SCP2: variants seen among roughly 807,000 people sequenced by gnomAD.
The protein encoded by SCP2 is sterol carrier protein 2.
A neutral mutation model predicts 71.4 loss-of-function variants in SCP2; 48 were observed. That is an observed-to-expected ratio of 0.67 (90% CI 0.53 to 0.86). The LOEUF (loss-of-function observed/expected upper bound fraction) is 0.86, where lower values mean the gene tolerates loss of function less well. SCP2 is among the 40% of genes least tolerant of loss of function. SCP2 has a pLI of 0.00. For missense variants in SCP2, 560 were observed against 655.6 expected, an observed-to-expected ratio of 0.85 and a Z score of 1.59; for synonymous variants, 220 against 218.1, an observed-to-expected ratio of 1.01 and a Z score of -0.08.
chr1:53,007,420 A>G (rs1185370818), intron 11 of SCP2, among the ~76,000 whole-genome samples: 8 of 152,224 alleles, frequency 5.3e-5, no homozygotes, highest in Non-Finnish European at 1.2e-4. Context: ...AAATTATAAC[A>G]AACTGTCTCT....
chr1:53,050,763 C>A lies in SCP2; in HGVS notation c.*59C>A. On this transcript the variant is annotated 3_prime_UTR_variant, in exon 16 of 16. Transcript: ENST00000371514. ...TGAGATATATAGATATATATCCATACATTTTATTGTCAGAATTTAGACTGA... is the reference window on the plus strand; with the variant it reads ...TGAGATATATAGATATATATCCATAAATTTTATTGTCAGAATTTAGACTGA... 8.7e-7 allele frequency: 1 copy of A among 1,146,234 alleles called. No homozygotes were observed. Among genetic ancestry groups the A allele is most frequent in the South Asian group, 1.2e-5 (1 of 80,802 alleles). 71.0% of individuals were successfully genotyped at this position (1,146,234 alleles called of 1,614,324 possible). A position where few individuals can be genotyped will look rare whatever the true frequency, so the allele number is the denominator to read the frequency against.
intron 2 of SCP2, among the ~76,000 whole-genome samples, chr1:52,947,415 A>G (rs568813021): frequency 2.0e-4 from 30 of 152,240 alleles, no homozygotes; most frequent in Admixed American, 9.2e-4. Context: ...GCTCACTGTC[A>G]TAAATGAGGA....
At chr1:52,946,912 T>C (rs1202254012) in intron 2 of SCP2, among the ~76,000 whole-genome samples, 1 of 150,374 alleles carries the variant, frequency 6.7e-6, no homozygotes, top group Non-Finnish European at 1.5e-5. Context: ...CAAAAAGTAG[T>C]GTGGTGGTAG....
At chr1:52,934,745 T>G (rs889624907) in intron 1 of SCP2, among the ~76,000 whole-genome samples, 7 of 149,626 alleles carry the variant, frequency 4.7e-5, no homozygotes, top group Non-Finnish European at 1.0e-4. Context: ...CCCGAGTAGC[T>G]GGGACTACAG....
At chr1:52,992,606 A>T (rs1457090815) in intron 11 of SCP2, among the ~76,000 whole-genome samples, 1 of 152,216 alleles carries the variant, frequency 6.6e-6, no homozygotes, top group Non-Finnish European at 1.5e-5. Context: ...GCAGTAACAC[A>T]GGCTTTTATG....
intron 12 of SCP2, 126 bp downstream of exon 12, chr1:53,015,169 T>A: frequency 1.0e-6 from 1 of 957,608 alleles, no homozygotes; most frequent in Non-Finnish European, 1.6e-6. Flanking sequence ...CTCATTACAT[T>A]GTTTTAAGAA....
chr1:53,003,888 C>A (rs1660471870), intron 11 of SCP2, among the ~76,000 whole-genome samples: 1 of 152,144 alleles, frequency 6.6e-6, no homozygotes, highest in Non-Finnish European at 1.5e-5. Context: ...ATCTTAGCAA[C>A]CTCAGCATGC....
chr1:52,941,065 A>G (rs772517385), intron 1 of SCP2, among the ~76,000 whole-genome samples: 5 of 151,982 alleles, frequency 3.3e-5, no homozygotes, highest in Non-Finnish European at 5.9e-5. Context: ...AACACTTTCC[A>G]CTTTATGTTT....
intron 11 of SCP2, chr1:52,994,902 T>C (rs1659813898): frequency 3.9e-6 from 2 of 514,844 alleles, no homozygotes; most frequent in South Asian, 3.1e-5. Flanking sequence ...ATGGCAAATA[T>C]GTTCCTTGTG....
In SCP2 at chr1:53,030,553, A is replaced by G. The variant is rs923546389; in HGVS notation, c.1338+2482A>G. 7.9e-5 allele frequency among the ~76,000 whole-genome samples: 12 copies of G among 152,072 alleles called. No individual in the cohort carries two copies. The East Asian group carries it at 2.3e-3, about 29-fold the overall frequency. On this transcript the variant is annotated intron_variant, in intron 13 of 15. Coordinates refer to ENST00000371514, the MANE Select transcript of SCP2 (RefSeq NM_002979.5). ...TGGGGTCTTGCTATGTTGGAGACTA[A>G]CTATTTTTACTTCACACCTCTGATA...
At chr1:53,010,431 C>T (rs1383896513) in intron 11 of SCP2, among the ~76,000 whole-genome samples, 2 of 152,116 alleles carry the variant, frequency 1.3e-5, no homozygotes, top group African/African-American at 4.8e-5. Context: ...ATATACACCA[C>T]GGAATACTAT....
intron 12 of SCP2, among the ~76,000 whole-genome samples, chr1:53,021,887 C>T (rs996011306): frequency 6.6e-6 from 1 of 152,030 alleles, no homozygotes; most frequent in African/African-American, 2.4e-5. Flanking sequence ...TCATGTGATC[C>T]ACCTGCCTTG....
intron 6 of SCP2, among the ~76,000 whole-genome samples, chr1:52,966,956 G>A (rs569947018): frequency 1.3e-5 from 2 of 152,176 alleles, no homozygotes; most frequent in Admixed American, 1.3e-4. Flanking sequence ...GGGAGGCTAA[G>A]GTGGACGGAT....
intron 1 of SCP2, among the ~76,000 whole-genome samples, chr1:52,932,685 T>G (rs568626137): frequency 3.8e-4 from 58 of 152,178 alleles, no homozygotes; most frequent in South Asian, 1.7e-3. Context: ...ATTTTAGAGG[T>G]GAGTATATTA....
intron 11 of SCP2, chr1:52,994,942 A>G (rs1659817231): frequency 3.8e-6 from 2 of 521,956 alleles, no homozygotes; most frequent in African/African-American, 3.9e-5. Flanking sequence ...ACCTGGGACC[A>G]TGGACTCTGC....
intron 13 of SCP2, among the ~76,000 whole-genome samples, chr1:53,029,336 T>C (rs1354163490): frequency 1.3e-5 from 2 of 151,070 alleles, no homozygotes; most frequent in Non-Finnish European, 2.9e-5. Flanking sequence ...TGATCACGGC[T>C]CACTGCAGCC....
intron 1 of SCP2, among the ~76,000 whole-genome samples, chr1:52,936,364 C>T (rs1293898755): frequency 6.6e-6 from 1 of 152,192 alleles, no homozygotes; most frequent in Non-Finnish European, 1.5e-5. Flanking sequence ...TTGAGAATCG[C>T]TGGATGTAGT....
chr1:52,998,464 C>A (rs900771250), intron 11 of SCP2, among the ~76,000 whole-genome samples: 4 of 152,140 alleles, frequency 2.6e-5, no homozygotes, highest in Non-Finnish European at 5.9e-5. Context: ...GGAGCAATAG[C>A]ATGCACCTGT....
intron 11 of SCP2, among the ~76,000 whole-genome samples, chr1:53,004,032 C>T (rs1488842295): frequency 7.2e-5 from 11 of 152,126 alleles, no homozygotes; most frequent in Admixed American, 6.6e-5. Flanking sequence ...GACTTGAACA[C>T]GAGCAGTACC....
Sources: gnomAD v4.1 joint callset for allele counts (sites outside exome capture counted in the v4.1 genomes callset) on GRCh38, gnomAD v4.1.1 for gene constraint, MANE v1.5 for transcripts, NCBI Gene and HGNC (gene_info 2026-07-23, HGNC 2026-07-21) for gene names.